The following GRID2 variants were observed in gnomAD, a reference collection of about 807,000 sequenced individuals.
The protein encoded by GRID2 is glutamate ionotropic receptor delta type subunit 2.
GRID2 carries 33 observed loss-of-function variants against 114.8 expected under a neutral mutation model. That is an observed-to-expected ratio of 0.29 (90% CI 0.22 to 0.38). The LOEUF (loss-of-function observed/expected upper bound fraction) is 0.38. Among genes scored for constraint, GRID2 ranks in the 10% least tolerant of loss-of-function variants. The pLI is 1.00. For synonymous variants in GRID2, 505 were observed against 449.9 expected (o/e 1.12, Z -1.55); for missense variants, 1,184 against 1,257.7 (o/e 0.94, Z 0.89).
intron 2 of GRID2, among the ~76,000 whole-genome samples, chr4:92,742,306 A>T (rs1179173463): frequency 6.6e-6 from 1 of 152,078 alleles, no homozygotes; most frequent in African/African-American, 2.4e-5. Context: ...TTAAAACATT[A>T]TATTCTACAT....
intron 2 of GRID2, among the ~76,000 whole-genome samples, chr4:92,851,644 A>C (rs1050628958): frequency 6.6e-6 from 1 of 152,004 alleles, no homozygotes; most frequent in Non-Finnish European, 1.5e-5. Context: ...TCAGTTAAAG[A>C]AAAGTTGTGA....
intron 1 of GRID2, among the ~76,000 whole-genome samples, chr4:92,382,337 C>T (rs1729658800): frequency 6.6e-6 from 1 of 151,952 alleles, no homozygotes; most frequent in Admixed American, 6.6e-5. Flanking sequence ...TGCATAGCAA[C>T]AGCAGAGTTC....
intron 12 of GRID2, among the ~76,000 whole-genome samples, chr4:93,494,518 G>A (rs1211091673): frequency 1.3e-5 from 2 of 151,748 alleles, no homozygotes; most frequent in African/African-American, 4.8e-5. Flanking sequence ...AGATATCTAT[G>A]GGCATCTAAT....
chr4:93,315,669 T>G (rs1192289265), intron 8 of GRID2, among the ~76,000 whole-genome samples: 1 of 152,168 alleles, frequency 6.6e-6, no homozygotes, highest in Non-Finnish European at 1.5e-5. Flanking sequence ...CCTGACACAT[T>G]GTAGGCACTT....
At chr4:92,453,492 A>C (rs1465893348) in intron 1 of GRID2, among the ~76,000 whole-genome samples, 1 of 152,198 alleles carries the variant, frequency 6.6e-6, no homozygotes, top group Non-Finnish European at 1.5e-5. Context: ...ATAAGTATCA[A>C]AAACCGATGT....
chr4:93,706,470 T>A (rs1728006162), intron 14 of GRID2, among the ~76,000 whole-genome samples: 3 of 152,194 alleles, frequency 2.0e-5, no homozygotes, highest in Admixed American at 2.0e-4. Flanking sequence ...GCATCTTATG[T>A]GTACTTATTG....
chr4:92,353,276 T>A (rs1728159889), intron 1 of GRID2, among the ~76,000 whole-genome samples: 1 of 151,888 alleles, frequency 6.6e-6, no homozygotes, highest in Admixed American at 6.6e-5. Flanking sequence ...TTTTTCAACT[T>A]AATTAAAGAC....
At chr4:92,765,904 T>C (rs937764371) in intron 2 of GRID2, among the ~76,000 whole-genome samples, 1 of 152,182 alleles carries the variant, frequency 6.6e-6, no homozygotes, top group Non-Finnish European at 1.5e-5. Context: ...CCTTTGCCTC[T>C]CTGCTGAGAT....
At chr4:93,236,624 T>C (rs1305102930) in intron 7 of GRID2, among the ~76,000 whole-genome samples, 1 of 152,096 alleles carries the variant, frequency 6.6e-6, no homozygotes, top group East Asian at 1.9e-4. Context: ...TCTGTTTACC[T>C]GGAGTTCCAA....
At chr4:93,605,531 A>G (rs1461513645) in intron 13 of GRID2, among the ~76,000 whole-genome samples, 1 of 152,228 alleles carries the variant, frequency 6.6e-6, no homozygotes, top group Non-Finnish European at 1.5e-5. Context: ...ACATTCCGTT[A>G]TTACTTGGTC....
intron 2 of GRID2, among the ~76,000 whole-genome samples, chr4:92,794,674 A>G (rs1739764393): frequency 1.3e-5 from 2 of 151,420 alleles, no homozygotes; most frequent in Non-Finnish European, 2.9e-5. Context: ...AAGAAAAGTA[A>G]AAAGAAGGAA....
At chr4:92,729,485 A>G (rs6814335) in intron 2 of GRID2, among the ~76,000 whole-genome samples, 3,719 of 152,098 alleles carry the variant, frequency 0.024, 146 homozygotes, top group African/African-American at 0.084. Context: ...GGCTCAAATA[A>G]CATTTCAAAG....
At position 93,771,967 on chromosome 4, in the gene GRID2, A is replaced by G. The variant is rs531411763; in HGVS notation, c.2602-109A>G. 1,376 of 675,138 alleles carry G rather than the reference A, an allele frequency of 2.0e-3. 6 individuals carry two copies. Among genetic ancestry groups the G allele is most frequent in the Non-Finnish European group, 2.6e-3 (1,003 of 389,370 alleles). The allele number at this position is 675,138 out of a possible 1,614,324, so 41.8% of individuals were successfully genotyped here. On this transcript the variant is annotated intron_variant, in intron 15 of 15. Coordinates refer to ENST00000282020, the MANE Select transcript of GRID2 (RefSeq NM_001510.4). ...GTGCTCAATAAATATTTGTTAAATG[A>G]ATAAACCCCAAAGTTCAGTTAATTA... is the stretch of plus-strand genomic sequence containing the variant.
chr4:93,000,034 A>C (rs1755442137), intron 2 of GRID2, among the ~76,000 whole-genome samples: 1 of 151,706 alleles, frequency 6.6e-6, no homozygotes, highest in African/African-American at 2.4e-5. Flanking sequence ...ATTTCAGTTA[A>C]ATGTAACAAT....
chr4:93,545,581 T>C (rs1415984966), intron 13 of GRID2, among the ~76,000 whole-genome samples: 1 of 152,208 alleles, frequency 6.6e-6, no homozygotes, highest in African/African-American at 2.4e-5. Flanking sequence ...AATTTCCTAA[T>C]GATGTGCTAG....
chr4:92,408,940 A>G (rs542103887), intron 1 of GRID2, among the ~76,000 whole-genome samples: 2 of 152,016 alleles, frequency 1.3e-5, no homozygotes, highest in African/African-American at 4.8e-5. Flanking sequence ...TTCTTTTCCT[A>G]TTTTGATGCT....
chr4:93,120,773 G>A (rs971925830), intron 4 of GRID2, among the ~76,000 whole-genome samples: 1 of 152,018 alleles, frequency 6.6e-6, no homozygotes, highest in Admixed American at 6.6e-5. Context: ...CTAACATGGT[G>A]AAACCCCATC....
intron 1 of GRID2, among the ~76,000 whole-genome samples, chr4:92,544,262 C>A (rs75478748): frequency 6.6e-6 from 1 of 152,238 alleles, no homozygotes; most frequent in East Asian, 1.9e-4. Context: ...GAAAATGTAA[C>A]TGTCATGTAA....
In GRID2 at chr4:93,110,832, A is replaced by G. The variant is rs540216022; in HGVS notation, c.614A>G (p.Asn205Ser). 2.6e-5 allele frequency: 42 copies of G among 1,611,780 alleles called. No individual in the cohort carries two copies. In the Admixed American group the frequency reaches 5.7e-4, roughly 22 times the overall value. Residue 205 changes from asparagine (N) to serine (S), a missense_variant, in exon 4 of 16, where the codon AAT becomes AGT. Coordinates refer to ENST00000282020, the MANE Select transcript of GRID2 (RefSeq NM_001510.4). ...CTTCAGAAGGTAGAAAACAACATCAATAAAATGATTACCACTCTCTTTGAC... is the reference window on the plus strand; with the variant it reads ...CTTCAGAAGGTAGAAAACAACATCAGTAAAATGATTACCACTCTCTTTGAC... ...VALQKVENNI[N>S]KMITTLFDTM... is the part of the protein sequence containing the mutation.
Sources: allele counts gnomAD v4.1 joint callset (sites outside exome capture counted in the v4.1 genomes callset), GRCh38; gene constraint gnomAD v4.1.1; transcripts MANE v1.5; gene names NCBI Gene and HGNC (gene_info 2026-07-23, HGNC 2026-07-21).